Variants in ADGRL2 observed in about 807,000 individuals in gnomAD.
ADGRL2 encodes the protein adhesion G protein-coupled receptor L2, also known as calcium-independent alpha-latrotoxin receptor 2.
A neutral mutation model predicts 157.4 loss-of-function variants in ADGRL2; 44 were observed. The observed-to-expected ratio is 0.28, with a 90% CI of 0.22 to 0.36. The LOEUF is 0.36. Ranked by LOEUF, ADGRL2 falls within the 10% of genes least tolerant of loss-of-function variation. The probability of loss-of-function intolerance (pLI) is 1.00; values close to 1 mark genes in which losing one functional copy is unlikely to be tolerated. For synonymous variants in ADGRL2, 585 were observed against 624.7 expected (o/e 0.94, Z 0.95); for missense variants, 1,510 against 1,768.9 (o/e 0.85, Z 2.63).
At chr1:81,345,630 G>C (rs1052692628) in intron 1 of ADGRL2, among the ~76,000 whole-genome samples, 1 of 152,054 alleles carries the variant, frequency 6.6e-6, no homozygotes, top group African/African-American at 2.4e-5. Flanking sequence ...AATCTGTACA[G>C]CACCTAGAAA....
intron 2 of ADGRL2, among the ~76,000 whole-genome samples, chr1:81,516,264 C>T (rs575472941): frequency 1.3e-5 from 2 of 152,196 alleles, no homozygotes; most frequent in African/African-American, 4.8e-5. Flanking sequence ...TAGATGTATG[C>T]CTCTGCTTCT....
chr1:81,813,722 A>G (rs1335473300), intron 1 of ADGRL2, among the ~76,000 whole-genome samples: 2 of 151,770 alleles, frequency 1.3e-5, no homozygotes, highest in Non-Finnish European at 3.0e-5. Flanking sequence ...CTTAAATAAT[A>G]TAAAAAGATA....
At chr1:81,818,661 G>A (rs998090212) in intron 1 of ADGRL2, among the ~76,000 whole-genome samples, 3 of 152,096 alleles carry the variant, frequency 2.0e-5, no homozygotes, top group African/African-American at 4.8e-5. Context: ...GCCATGCCAG[G>A]AAAACTGTAC....
chr1:81,458,713 C>A (rs1481477976), intron 2 of ADGRL2, among the ~76,000 whole-genome samples: 1 of 152,158 alleles, frequency 6.6e-6, no homozygotes, highest in African/African-American at 2.4e-5. Context: ...TGTGGTGGCG[C>A]CTGAAAACTA....
At chr1:81,464,766 C>T (rs927450150) in intron 2 of ADGRL2, among the ~76,000 whole-genome samples, 1 of 151,994 alleles carries the variant, frequency 6.6e-6, no homozygotes, top group Non-Finnish European at 1.5e-5. Context: ...CTATTCTTTG[C>T]ACATACCTCA....
At chr1:81,576,820 A>C (rs1247404563) in intron 2 of ADGRL2, among the ~76,000 whole-genome samples, 2 of 152,156 alleles carry the variant, frequency 1.3e-5, no homozygotes, top group Admixed American at 6.5e-5. Flanking sequence ...TTGTTGCATA[A>C]GTTTTATGAG....
At chr1:81,446,394 G>A (rs2077597936) in intron 2 of ADGRL2, among the ~76,000 whole-genome samples, 1 of 152,086 alleles carries the variant, frequency 6.6e-6, no homozygotes, top group African/African-American at 2.4e-5. Context: ...GATCACAAAC[G>A]GATGATTATG....
intron 2 of ADGRL2, among the ~76,000 whole-genome samples, chr1:81,470,584 G>A (rs1025806586): frequency 2.0e-5 from 3 of 151,974 alleles, no homozygotes; most frequent in Admixed American, 1.3e-4. Flanking sequence ...ATCTTCTTTC[G>A]GAGGCAAAGA....
intron 2 of ADGRL2, among the ~76,000 whole-genome samples, chr1:81,781,067 T>C (rs1255098073): frequency 6.6e-6 from 1 of 152,220 alleles, no homozygotes. Flanking sequence ...TTTTACTTAT[T>C]TATTTATTTT....
At chr1:81,553,312 G>C (rs984427594) in intron 2 of ADGRL2, among the ~76,000 whole-genome samples, 3 of 152,050 alleles carry the variant, frequency 2.0e-5, no homozygotes, top group Non-Finnish European at 4.4e-5. Flanking sequence ...ACATATAAGA[G>C]CAAATTTCTT....
intron 3 of ADGRL2, among the ~76,000 whole-genome samples, chr1:81,634,521 T>TCTG (rs2082077934): frequency 6.8e-6 from 1 of 147,462 alleles, no homozygotes; most frequent in Admixed American, 6.7e-5. Flanking sequence ...TGTTTTTTTT[T>TCTG]TTTTGGTTTT....
At chr1:81,955,653 T>G in intron 10 of ADGRL2, 1 of 379,286 alleles carries the variant, frequency 2.6e-6, no homozygotes, top group Non-Finnish European at 4.7e-6. Context: ...ACTTACTGTT[T>G]GTAATCAAAT....
At chr1:81,635,356 C>T (rs1049646717) in intron 3 of ADGRL2, among the ~76,000 whole-genome samples, 1 of 152,206 alleles carries the variant, frequency 6.6e-6, no homozygotes, top group Non-Finnish European at 1.5e-5. Context: ...TTCTCAGCCT[C>T]TAGCTTTTGC....
In ADGRL2 at chr1:81,792,974, T is replaced by C. The variant is rs2087420820; in HGVS notation, c.-101+31122T>C. Among the ~76,000 whole-genome samples the C allele has an allele frequency of 2.0e-5, 3 of 152,118 alleles. No individual in the cohort carries two copies. The South Asian group carries it at 6.2e-4, about 31-fold the overall frequency. On this transcript the variant is annotated intron_variant, in intron 2 of 20. Transcript: ENST00000359929. ...CATTCTCTAGGCTTAAAATTTATTC[T>C]GCACTCAAGTCTTTTTGCTACATAG...
intron 2 of ADGRL2, among the ~76,000 whole-genome samples, chr1:81,505,819 C>T (rs1006924519): frequency 3.3e-5 from 5 of 150,354 alleles, no homozygotes; most frequent in Non-Finnish European, 5.9e-5. Context: ...AAAAAAAGCA[C>T]GTTTTTACTT....
In ADGRL2 at chr1:81,977,744, C is replaced by T. The variant is rs1660569735; in HGVS notation, c.3022-2125C>T. Among the ~76,000 whole-genome samples, 4 of 151,426 alleles carry T rather than the reference C, an allele frequency of 2.6e-5. No individual in the cohort carries two copies. The South Asian group carries it at 6.2e-4, about 24-fold the overall frequency. ...TGTTCCCAAGGGAATAATTAATATG[C>T]TTAGAAAATTATGAACACCAAATTA... On this transcript the variant is annotated intron_variant, in intron 17 of 23. Coordinates refer to ENST00000686636, the MANE Select transcript of ADGRL2 (RefSeq NM_001366006.2).
At chr1:81,692,838 C>G (rs1318356035) in intron 3 of ADGRL2, among the ~76,000 whole-genome samples, 1 of 152,158 alleles carries the variant, frequency 6.6e-6, no homozygotes, top group Non-Finnish European at 1.5e-5. Flanking sequence ...ACTCAGATAT[C>G]TGACTTATCT....
At chr1:81,801,490 AGC>A (rs1366916527) in intron 1 of ADGRL2, among the ~76,000 whole-genome samples, 231 of 152,142 alleles carry the variant, frequency 1.5e-3, no homozygotes, top group African/African-American at 5.5e-3. Flanking sequence ...CGAAATCGGG[AGC>A]TTACCAGAGA....
intron 2 of ADGRL2, among the ~76,000 whole-genome samples, chr1:81,570,080 TC>T (rs1468137983): frequency 6.6e-6 from 1 of 152,068 alleles, no homozygotes; most frequent in African/African-American, 2.4e-5. Context: ...AACATCATAG[TC>T]CCTCAGAAGT....
Sources: gnomAD v4.1 joint callset for allele counts (sites outside exome capture counted in the v4.1 genomes callset) on GRCh38, gnomAD v4.1.1 for gene constraint, MANE v1.5 for transcripts, NCBI Gene and HGNC (gene_info 2026-07-23, HGNC 2026-07-21) for gene names.